The following BRMS1L variants were observed in gnomAD, a reference collection of about 807,000 sequenced individuals.
BRMS1L encodes breast cancer metastasis-suppressor 1-like protein.
In BRMS1L, 23 loss-of-function variants were observed where a neutral mutation model predicts 50.3. The ratio of observed to expected loss-of-function variants is 0.46; its 90% CI spans 0.33 to 0.65. The LOEUF (loss-of-function observed/expected upper bound fraction) is 0.65. Among genes scored for constraint, BRMS1L ranks in the 30% least tolerant of loss-of-function variants. The pLI, the probability that BRMS1L is intolerant of heterozygous loss-of-function variation, is 0.02. For missense variants in BRMS1L, 286 were observed against 386.1 expected (o/e 0.74, Z 2.17); for synonymous variants, 114 against 126.9 (o/e 0.90, Z 0.69).
intron 4 of BRMS1L, among the ~76,000 whole-genome samples, chr14:35,842,805 C>G (rs1242214068): frequency 6.6e-6 from 1 of 152,210 alleles, no homozygotes; most frequent in South Asian, 2.1e-4. Context: ...CTGTCACTTT[C>G]AGGTATGCCA....
intron 4 of BRMS1L, among the ~76,000 whole-genome samples, chr14:35,841,360 G>A (rs183112455): frequency 2.7e-4 from 41 of 151,264 alleles, no homozygotes; most frequent in African/African-American, 1.7e-4. Flanking sequence ...TCCCCCAGGC[G>A]CAATCTCGGC....
intron 4 of BRMS1L, among the ~76,000 whole-genome samples, chr14:35,838,783 T>G (rs1168653282): frequency 6.6e-6 from 1 of 152,212 alleles, no homozygotes; most frequent in Non-Finnish European, 1.5e-5. Flanking sequence ...CTTTGTCAGA[T>G]GGATAGATTG....
At chr14:35,869,727 T>C (rs1439553288) in intron 9 of BRMS1L, among the ~76,000 whole-genome samples, 2 of 152,044 alleles carry the variant, frequency 1.3e-5, no homozygotes, top group Non-Finnish European at 2.9e-5. Context: ...GTGCTTGTAG[T>C]CTCAGCTACT....
chr14:35,845,771 G>A (rs2078125733), intron 4 of BRMS1L, among the ~76,000 whole-genome samples: 1 of 152,100 alleles, frequency 6.6e-6, no homozygotes, highest in African/African-American at 2.4e-5. Flanking sequence ...GAATTGGGGG[G>A]TTTTACTGGG....
chr14:35,835,047 G>C (rs1051814517), intron 4 of BRMS1L, 124 bp downstream of exon 4: 1 of 476,102 alleles, frequency 2.1e-6, no homozygotes, highest in African/African-American at 2.1e-5. Flanking sequence ...TCATTTGTGT[G>C]TGATTAAAAA....
Position 35,834,942 on chromosome 14 carries a change from A to C in BRMS1L, c.441+19A>C, listed in dbSNP as rs776740009. Reference sequence around the variant, plus strand: ...TTGTGAGGTACTGTCATTTTGCATAACTTTTAAGCTAATTTCATCTCTTCA... The same window carrying C: ...TTGTGAGGTACTGTCATTTTGCATACCTTTTAAGCTAATTTCATCTCTTCA... On this transcript the variant is annotated intron_variant, in intron 4 of 9. Transcript: ENST00000216807. 15 of 1,570,482 alleles carry C rather than the reference A, an allele frequency of 9.6e-6. No individual in the cohort carries two copies. In the South Asian group the frequency reaches 1.8e-4, roughly 19 times the overall value.
At position 35,826,370 on chromosome 14, in the gene BRMS1L, T is replaced by G; in HGVS notation, c.-147T>G. ...CCATCGCAGAGCCTGCGGGTTAGGTTGTGAGGCCCGGGCCGGGGGCGGGGA... is the reference window on the plus strand; with the variant it reads ...CCATCGCAGAGCCTGCGGGTTAGGTGGTGAGGCCCGGGCCGGGGGCGGGGA... On this transcript the variant is annotated 5_prime_UTR_variant, in exon 1 of 10. Transcript: ENST00000216807. 8 of 1,198,718 alleles carry G rather than the reference T, an allele frequency of 6.7e-6. No homozygotes were observed. Among genetic ancestry groups the G allele is most frequent in the Non-Finnish European group, 8.1e-6 (7 of 860,214 alleles). 74.3% of individuals were successfully genotyped at this position (1,198,718 alleles called of 1,614,324 possible).
intron 3 of BRMS1L, among the ~76,000 whole-genome samples, chr14:35,833,447 G>A (rs1595660332): frequency 6.6e-6 from 1 of 151,908 alleles, no homozygotes; most frequent in East Asian, 1.9e-4. Context: ...AAGTTTAAGT[G>A]TTCTAGGCAT....
intron 4 of BRMS1L, among the ~76,000 whole-genome samples, chr14:35,845,240 TA>T (rs1252675508): frequency 6.6e-6 from 1 of 152,252 alleles, no homozygotes; most frequent in Non-Finnish European, 1.5e-5. Context: ...ATGGCACTGA[TA>T]GGACCTCCAA....
chr14:35,865,347 G>A (rs1257453489), intron 7 of BRMS1L, among the ~76,000 whole-genome samples: 1 of 152,142 alleles, frequency 6.6e-6, no homozygotes, highest in Non-Finnish European at 1.5e-5. Flanking sequence ...ATAAATATTT[G>A]TTGAACAAAA....
At position 35,868,027 on chromosome 14, in the gene BRMS1L, T is replaced by C. The variant is rs371574979; in HGVS notation, c.849T>C (p.Pro283=). The stretch of plus-strand genomic sequence containing the variant: ...GTATTGATAAAAAAGATGAATGTCC[T>C]ACAAGGTAAAAAAGCCTTTGTTATT... The part of the protein sequence containing the change: ...TICIDKKDEC[P]TSAVITTINH... Residue 283 remains proline, a synonymous_variant, in exon 9 of 10, where the codon CCT becomes CCC. Coordinates refer to ENST00000216807, the MANE Select transcript of BRMS1L (RefSeq NM_032352.4). The C allele has an allele frequency of 6.3e-6, 10 of 1,590,176 alleles. No homozygotes were observed. The African/African-American group carries it at 1.2e-4, about 20-fold the overall frequency.
At chr14:35,869,380 G>C (rs1434940223) in intron 9 of BRMS1L, among the ~76,000 whole-genome samples, 2 of 151,818 alleles carry the variant, frequency 1.3e-5, no homozygotes, top group Non-Finnish European at 2.9e-5. Context: ...TCTCTTTGTA[G>C]AGAACCCCAT....
chr14:35,862,890 G>A (rs549543503), intron 5 of BRMS1L, among the ~76,000 whole-genome samples: 2 of 152,298 alleles, frequency 1.3e-5, no homozygotes, highest in South Asian at 4.1e-4. Flanking sequence ...TGTAAAAAAT[G>A]GAGCACACGA....
chr14:35,845,240 T>C (rs2078118181), intron 4 of BRMS1L, among the ~76,000 whole-genome samples: 1 of 152,252 alleles, frequency 6.6e-6, no homozygotes, highest in East Asian at 1.9e-4. Flanking sequence ...ATGGCACTGA[T>C]AGGACCTCCA....
At position 35,832,705 on chromosome 14, in the gene BRMS1L, CA is replaced by C. The variant is rs556548990; in HGVS notation, c.234-270del. ...TATTGTTCTGTGGTTAAAACAAAAACAAACATTAATAGTGCCAAAAAGTAGT... is the reference window on the plus strand; with the variant it reads ...TATTGTTCTGTGGTTAAAACAAAAACAACATTAATAGTGCCAAAAAGTAGT... On this transcript the variant is annotated intron_variant, in intron 2 of 9. Coordinates refer to ENST00000216807, the MANE Select transcript of BRMS1L (RefSeq NM_032352.4). Among the ~76,000 whole-genome samples the C allele has an allele frequency of 2.7e-4, 41 of 152,214 alleles. 1 individual carries two copies. Among genetic ancestry groups the C allele is most frequent in the Middle Eastern group, 6.8e-3 (2 of 294 alleles).
intron 4 of BRMS1L, among the ~76,000 whole-genome samples, chr14:35,847,983 T>G (rs74661328): frequency 0.028 from 4,299 of 152,294 alleles, 155 homozygotes; most frequent in African/African-American, 0.081. Flanking sequence ...TTTCCACATC[T>G]TTGCTGTTAT....
intron 4 of BRMS1L, among the ~76,000 whole-genome samples, chr14:35,835,484 C>T (rs754793301): frequency 1.3e-5 from 2 of 152,102 alleles, no homozygotes; most frequent in Non-Finnish European, 2.9e-5. Context: ...TAAATAACTC[C>T]CACAAGCTTA....
intron 4 of BRMS1L, among the ~76,000 whole-genome samples, chr14:35,856,759 C>T (rs1594341006): frequency 1.3e-5 from 2 of 151,916 alleles, no homozygotes. Context: ...TTACAGCAGG[C>T]ATCTGCCACC....
At position 35,865,699 on chromosome 14, in the gene BRMS1L, CTTT is replaced by C. The variant is rs78231905; in HGVS notation, c.688-10_688-8del. The C allele has an allele frequency of 7.6e-4, 1,061 of 1,398,470 alleles. No individual in the cohort carries two copies. The highest frequency in any genetic ancestry group is 1.5e-3 in the Admixed American group (64 of 42,954). The allele number at this position is 1,398,470 out of a possible 1,614,324, so 86.6% of individuals were successfully genotyped here. A position where few individuals can be genotyped will look rare whatever the true frequency, so the allele number is the denominator to read the frequency against. On this transcript the variant is annotated intron_variant, in intron 7 of 9. Transcript: ENST00000216807. ...TCTGAACTCAGACTTCTTTCTTCCT[CTTT>C]TTTTTTTTTTTTAATTAAGGCAATG...
Sources: gnomAD v4.1 joint callset for allele counts (sites outside exome capture counted in the v4.1 genomes callset) on GRCh38, gnomAD v4.1.1 for gene constraint, MANE v1.5 for transcripts, NCBI Gene and HGNC (gene_info 2026-07-23, HGNC 2026-07-21) for gene names.